Variants in KALRN observed in about 807,000 individuals in gnomAD.
KALRN encodes kalirin RhoGEF kinase.
Under a neutral mutation model 353.7 loss-of-function variants are expected in KALRN, and 70 were observed. The observed-to-expected ratio is 0.20, with a 90% CI of 0.16 to 0.24. The LOEUF (loss-of-function observed/expected upper bound fraction) is 0.24, where lower values mean the gene tolerates loss of function less well. Ranked by LOEUF, KALRN falls within the 10% of genes least tolerant of loss-of-function variation. KALRN has a pLI of 1.00. For missense variants in KALRN, 2,791 were observed against 3,756.7 expected (o/e 0.74, Z 6.72); for synonymous variants, 1,391 against 1,434.8 (o/e 0.97, Z 0.69).
intron 25 of KALRN, among the ~76,000 whole-genome samples, chr3:124,464,476 A>G (rs1404928846): frequency 6.6e-6 from 1 of 152,174 alleles, no homozygotes; most frequent in African/African-American, 2.4e-5. Context: ...ACCAGTTACA[A>G]TATATAGTTC....
At chr3:124,249,162 A>G (rs1238252182) in intron 3 of KALRN, among the ~76,000 whole-genome samples, 1 of 152,214 alleles carries the variant, frequency 6.6e-6, no homozygotes, top group Non-Finnish European at 1.5e-5. Flanking sequence ...TTACATACAC[A>G]CAAACTCAGA....
intron 5 of KALRN, among the ~76,000 whole-genome samples, chr3:124,273,086 G>C (rs1230915719): frequency 2.6e-5 from 4 of 152,224 alleles, no homozygotes; most frequent in Non-Finnish European, 5.9e-5. Context: ...CTCGCCCCTG[G>C]CCTTGCAGGG....
At position 124,587,698 on chromosome 3, in the gene KALRN, C is replaced by CTTTTTTTTTTTTTTTTTTTT. The variant is rs529810541; in HGVS notation, c.5182+24615_5182+24634dup. On this transcript the variant is annotated intron_variant, in intron 34 of 59. Coordinates refer to ENST00000682506, the MANE Select transcript of KALRN (RefSeq NM_001388419.1). ...TTTTTCCCTCCACCCCCACCCTCCA[C>CTTTTTTTTTTTTTTTTTTTT]TTTTTTTTTTTTTTTTTTTTTTTTT... 3.3e-4 allele frequency among the ~76,000 whole-genome samples: 25 copies of CTTTTTTTTTTTTTTTTTTTT among 75,858 alleles called. 1 individual carries two copies. Among genetic ancestry groups the CTTTTTTTTTTTTTTTTTTTT allele is most frequent in the Non-Finnish European group, 4.7e-4 (20 of 42,642 alleles). The allele number at this position is 75,858 out of a possible 152,430, so 49.8% of individuals were successfully genotyped here. A position where few individuals can be genotyped will look rare whatever the true frequency, so the allele number is the denominator to read the frequency against.
At chr3:124,319,363 AT>A (rs1405153451) in intron 6 of KALRN, among the ~76,000 whole-genome samples, 1 of 151,370 alleles carries the variant, frequency 6.6e-6, no homozygotes, top group African/African-American at 2.4e-5. Context: ...AACCCCTAGC[AT>A]TATTTATAGT....
At chr3:124,219,103 A>G (rs1038903309) in intron 1 of KALRN, among the ~76,000 whole-genome samples, 3 of 152,246 alleles carry the variant, frequency 2.0e-5, no homozygotes, top group African/African-American at 7.2e-5. Flanking sequence ...TTTTACGTAG[A>G]AGGTGTCATG....
At chr3:124,277,024 C>A (rs761253269) in intron 5 of KALRN, among the ~76,000 whole-genome samples, 1 of 152,234 alleles carries the variant, frequency 6.6e-6, no homozygotes, top group African/African-American at 2.4e-5. Context: ...GGCTCCTTGC[C>A]GTGCAGGACA....
rs933813251 is a variant in KALRN at position 124,706,228 on chromosome 3, G to C, written c.8075+4112G>C. Among the ~76,000 whole-genome samples, 5 of 152,156 alleles carry C rather than the reference G, an allele frequency of 3.3e-5. No individual in the cohort carries two copies. In the East Asian group the frequency reaches 9.6e-4, roughly 29 times the overall value. On this transcript the variant is annotated intron_variant, in intron 57 of 59. Transcript: ENST00000682506. The stretch of plus-strand genomic sequence containing the variant: ...GGCCTGGAGTTTTATTTTCTGGAAA[G>C]GGAAAAATGGAGCATCCCTGCCCTT...
chr3:124,704,564 T>C, intron 57 of KALRN, among the ~76,000 whole-genome samples: 1 of 152,108 alleles, frequency 6.6e-6, no homozygotes, highest in South Asian at 2.1e-4. Context: ...TCTTTTTTCT[T>C]TGAGACAGGG....
At chr3:124,414,845 C>T (rs749257746) in intron 14 of KALRN, among the ~76,000 whole-genome samples, 60 of 152,314 alleles carry the variant, frequency 3.9e-4, no homozygotes, top group Admixed American at 3.0e-3. Flanking sequence ...AACTATAAAA[C>T]GCAGTTGGGC....
chr3:124,110,880 G>A (rs1278640132), intron 1 of KALRN, among the ~76,000 whole-genome samples: 1 of 152,202 alleles, frequency 6.6e-6, no homozygotes, highest in Admixed American at 6.5e-5. Flanking sequence ...GGCCCTGGAT[G>A]TTGCTTTCTG....
intron 1 of KALRN, among the ~76,000 whole-genome samples, chr3:124,129,715 C>T (rs1416968829): frequency 6.6e-6 from 1 of 152,240 alleles, no homozygotes; most frequent in East Asian, 1.9e-4. Context: ...TTCACTCTAT[C>T]ACCATGGCCC....
intron 33 of KALRN, among the ~76,000 whole-genome samples, chr3:124,539,233 G>C (rs332408): frequency 6.6e-6 from 1 of 151,962 alleles, no homozygotes. Context: ...TTACCACCCT[G>C]TTTCAGGGAT....
intron 1 of KALRN, among the ~76,000 whole-genome samples, chr3:124,083,592 T>A (rs192245663): frequency 6.6e-6 from 1 of 152,350 alleles, no homozygotes; most frequent in East Asian, 1.9e-4. Context: ...TTTATGAAGT[T>A]ATTTAAATAC....
chr3:124,714,360 T>G (rs116001473), intron 58 of KALRN, among the ~76,000 whole-genome samples: 1,643 of 152,326 alleles, frequency 0.011, 35 homozygotes, highest in South Asian at 0.045. Flanking sequence ...GACCCAGAAC[T>G]TCTGCCCCTT....
chr3:124,228,341 A>G (rs992740444), intron 2 of KALRN, among the ~76,000 whole-genome samples: 1 of 152,178 alleles, frequency 6.6e-6, no homozygotes, highest in Non-Finnish European at 1.5e-5. Flanking sequence ...AGTTGCTCCA[A>G]CTGGAGAATC....
In KALRN at chr3:124,291,212, G is replaced by T. The variant is rs1483431873; in HGVS notation, c.970-7579G>T. On this transcript the variant is annotated intron_variant, in intron 5 of 59. Transcript: ENST00000682506. ...TAAACTCCATGCCCCATGGGAACCA[G>T]TATGTTTGGTAACAACTCCGTTGGC... Among the ~76,000 whole-genome samples, 5 of 152,192 alleles carry T rather than the reference G, an allele frequency of 3.3e-5. No individual in the cohort carries two copies. In the East Asian group the frequency reaches 9.6e-4, roughly 29 times the overall value.
chr3:124,411,779 C>T (rs1360493150), intron 13 of KALRN, among the ~76,000 whole-genome samples: 1 of 152,140 alleles, frequency 6.6e-6, no homozygotes, highest in Admixed American at 6.5e-5. Flanking sequence ...ATTTTAGCCT[C>T]ATCAGTCTAA....
At chr3:124,473,626 A>T (rs897570966) in intron 25 of KALRN, among the ~76,000 whole-genome samples, 8 of 152,256 alleles carry the variant, frequency 5.3e-5, no homozygotes, top group Non-Finnish European at 1.0e-4. Context: ...CATAGTATAT[A>T]GCTCTGTGGA....
At chr3:124,669,660 C>G (rs2086133578) in intron 47 of KALRN, among the ~76,000 whole-genome samples, 1 of 152,162 alleles carries the variant, frequency 6.6e-6, no homozygotes, top group South Asian at 2.1e-4. Context: ...AGACCTTTCT[C>G]CTAATGAATC....
Sources: allele counts gnomAD v4.1 joint callset (sites outside exome capture counted in the v4.1 genomes callset), GRCh38; gene constraint gnomAD v4.1.1; transcripts MANE v1.5; gene names NCBI Gene and HGNC (gene_info 2026-07-23, HGNC 2026-07-21).